NEURL1: variants seen among roughly 807,000 people sequenced by gnomAD.
The protein encoded by NEURL1 is E3 ubiquitin-protein ligase NEURL1.
Under a neutral mutation model 41.2 loss-of-function variants are expected in NEURL1, and 26 were observed. That is an observed-to-expected ratio of 0.63 (90% CI 0.46 to 0.87). The LOEUF (loss-of-function observed/expected upper bound fraction) is 0.87. NEURL1 is among the 40% of genes least tolerant of loss of function. The pLI is 0.00. For missense variants in NEURL1, 761 were observed against 871.1 expected (o/e 0.87, Z 1.59); for synonymous variants, 400 against 402.3 (o/e 0.99, Z 0.07).
At chr10:103,564,662 G>A (rs542443685) in intron 1 of NEURL1, among the ~76,000 whole-genome samples, 37 of 152,222 alleles carry the variant, frequency 2.4e-4, no homozygotes, top group Admixed American at 1.3e-3. Flanking sequence ...CAAGTGAGTT[G>A]CTTAACCATT....
At chr10:103,540,197 G>A (rs2034789439) in intron 1 of NEURL1, among the ~76,000 whole-genome samples, 1 of 152,212 alleles carries the variant, frequency 6.6e-6, no homozygotes, top group Admixed American at 6.5e-5. Flanking sequence ...GAAGTCAGCT[G>A]TATTGCATAT....
intron 1 of NEURL1, among the ~76,000 whole-genome samples, chr10:103,514,948 G>A (rs895083633): frequency 1.3e-5 from 2 of 152,066 alleles, no homozygotes; most frequent in African/African-American, 2.4e-5. Context: ...GAAACATCAG[G>A]CTGGGCAGGT....
At chr10:103,500,767 A>G (rs1752733178) in intron 1 of NEURL1, among the ~76,000 whole-genome samples, 2 of 152,224 alleles carry the variant, frequency 1.3e-5, no homozygotes, top group African/African-American at 2.4e-5. Context: ...CTGCATCAGC[A>G]TTAGCTGGAA....
chr10:103,506,093 G>A (rs1005549229), intron 1 of NEURL1, among the ~76,000 whole-genome samples: 3 of 152,226 alleles, frequency 2.0e-5, no homozygotes, highest in South Asian at 2.1e-4. Context: ...CTGCTCCAGC[G>A]GTTGGGGTAA....
intron 1 of NEURL1, chr10:103,549,017 GCA>G (rs538108120): frequency 7.9e-5 from 12 of 152,330 alleles, no homozygotes; most frequent in Non-Finnish European, 1.6e-4. Flanking sequence ...GCTTTGTCTG[GCA>G]CACTCTGTCC....
Position 103,587,479 on chromosome 10 carries a change from T to A in NEURL1, c.1340-2035T>A, listed in dbSNP as rs1175249983. Among the ~76,000 whole-genome samples, 3 of 152,240 alleles carry A rather than the reference T, an allele frequency of 2.0e-5. No individual in the cohort carries two copies. The East Asian group carries it at 5.8e-4, about 29-fold the overall frequency. On this transcript the variant is annotated intron_variant, in intron 4 of 5. Transcript: ENST00000369780. ...CCTGATCTGTTTGGAAAATTGGGCA[T>A]CACAACCAGCAAATTGGTGTTTGAA...
Position 103,584,862 on chromosome 10 carries a change from G to A in NEURL1, c.976G>A (p.Val326Ile), listed in dbSNP as rs1365012271. 1.2e-5 allele frequency: 17 copies of A among 1,412,652 alleles called. No homozygotes were observed. The highest frequency in any genetic ancestry group is 1.5e-5 in the Non-Finnish European group (16 of 1,092,424). The allele number at this position is 1,412,652 out of a possible 1,614,324, so 87.5% of individuals were successfully genotyped here. A position where few individuals can be genotyped will look rare whatever the true frequency, so the allele number is the denominator to read the frequency against. The change falls in exon 4 of 6, where the codon GTC becomes ATC. Residue 326 changes from valine (V) to isoleucine (I), a missense_variant. Around this residue, in one of 5 missense-constraint regions of NEURL1, gnomAD observed 443 missense variants for 408.1 expected, o/e 1.09. Coordinates refer to ENST00000369780, the MANE Select transcript of NEURL1 (RefSeq NM_004210.5). The part of the protein sequence containing the change: ...VEHGRDERAL[V>I]FTSRPVRVAE... ...GCACGGGCGCGACGAGCGCGCGCTC[G>A]TCTTCACCAGCCGGCCCGTGCGCGT... is the stretch of plus-strand genomic sequence containing the variant.
intron 3 of NEURL1, among the ~76,000 whole-genome samples, chr10:103,572,358 C>T (rs1304900192): frequency 3.9e-5 from 6 of 152,216 alleles, no homozygotes; most frequent in Admixed American, 3.9e-4. Context: ...TGCAGCCTTC[C>T]AGGAGACGGG....
chr10:103,553,383 G>A (rs1250784606), intron 1 of NEURL1, among the ~76,000 whole-genome samples: 1 of 152,182 alleles, frequency 6.6e-6, no homozygotes, highest in Admixed American at 6.5e-5. Flanking sequence ...TGGGAACTGG[G>A]TATGTGTGCC....
At chr10:103,528,390 C>T (rs1034348557) in intron 1 of NEURL1, among the ~76,000 whole-genome samples, 1 of 151,288 alleles carries the variant, frequency 6.6e-6, no homozygotes, top group African/African-American at 2.4e-5. Context: ...CAAAAATTAG[C>T]CAGGTGTGGT....
chr10:103,582,100 G>T (rs1241566155), intron 3 of NEURL1, among the ~76,000 whole-genome samples: 1 of 151,974 alleles, frequency 6.6e-6, no homozygotes, highest in Non-Finnish European at 1.5e-5. Context: ...TCCTGAGGGG[G>T]TGGTGTGGGC....
chr10:103,518,705 C>A (rs540046025), intron 1 of NEURL1, among the ~76,000 whole-genome samples: 1 of 152,252 alleles, frequency 6.6e-6, no homozygotes, highest in South Asian at 2.1e-4. Context: ...TGGGGAACAA[C>A]TCTATTCTGT....
chr10:103,505,674 T>G (rs2033930081), intron 1 of NEURL1, among the ~76,000 whole-genome samples: 1 of 152,178 alleles, frequency 6.6e-6, no homozygotes, highest in Admixed American at 6.5e-5. Flanking sequence ...CAGCCAGCTC[T>G]TCTGTATCTT....
chr10:103,534,349 C>T (rs1184634516), intron 1 of NEURL1, among the ~76,000 whole-genome samples: 1 of 152,162 alleles, frequency 6.6e-6, no homozygotes, highest in Non-Finnish European at 1.5e-5. Context: ...CCCACATCCT[C>T]ACATTGATGT....
intron 3 of NEURL1, 73 bp from the exon 4 acceptor site, chr10:103,584,463 G>C: frequency 9.8e-7 from 1 of 1,017,026 alleles, no homozygotes; most frequent in Non-Finnish European, 1.3e-6. Context: ...CGCGCGTAGG[G>C]ACCGGACAGC....
intron 3 of NEURL1, among the ~76,000 whole-genome samples, chr10:103,573,485 T>G (rs1077016): frequency 0.26 from 39,208 of 151,982 alleles, 5,921 homozygotes; most frequent in African/African-American, 0.41. Context: ...GGCTGTCATT[T>G]GTCCCCACCC....
intron 1 of NEURL1, among the ~76,000 whole-genome samples, chr10:103,518,264 G>A (rs1174392922): frequency 3.9e-5 from 6 of 152,102 alleles, no homozygotes; most frequent in South Asian, 2.1e-4. Context: ...TATTAAAAGA[G>A]CAAATTGTGT....
chr10:103,526,197 C>CTT (rs61029201), intron 1 of NEURL1, among the ~76,000 whole-genome samples: 3 of 151,736 alleles, frequency 2.0e-5, no homozygotes, highest in South Asian at 2.1e-4. Flanking sequence ...CTGTAGCTTT[C>CTT]TTTTTTTTGT....
intron 1 of NEURL1, among the ~76,000 whole-genome samples, chr10:103,500,784 A>G (rs1350145973): frequency 1.3e-5 from 2 of 152,240 alleles, no homozygotes; most frequent in African/African-American, 4.8e-5. Context: ...GGAAGCATGT[A>G]TACCATGCAG....
Sources: gnomAD v4.1 joint callset for allele counts (sites outside exome capture counted in the v4.1 genomes callset) on GRCh38, gnomAD v4.1.1 for gene constraint, gnomAD v4.1.1 regional missense constraint, MANE v1.5 for transcripts, NCBI Gene and HGNC (gene_info 2026-07-23, HGNC 2026-07-21) for gene names.